Variants in ITGA7 observed in about 807,000 individuals in gnomAD.
ITGA7 encodes the protein integrin alpha-7.
Under a neutral mutation model 131.6 loss-of-function variants are expected in ITGA7, and 84 were observed. The ratio of observed to expected loss-of-function variants is 0.64; its 90% CI spans 0.54 to 0.77. The LOEUF (loss-of-function observed/expected upper bound fraction) is 0.77. ITGA7 is among the 30% of genes least tolerant of loss of function. The pLI is 0.00. For synonymous variants in ITGA7, 548 were observed against 600.7 expected (o/e 0.91, Z 1.28); for missense variants, 1,399 against 1,482.9 (o/e 0.94, Z 0.93).
chr12:55,714,504 C>A (rs1010966380), upstream of ITGA7, among the ~76,000 whole-genome samples: 5 of 128,924 alleles, frequency 3.9e-5, no homozygotes, highest in African/African-American at 1.5e-4. Context: ...GGCGACAGAG[C>A]GAGACTCCGT....
chr12:55,699,726 C>G (rs901721819), intron 5 of ITGA7, 144 bp downstream of exon 5: 25 of 1,105,632 alleles, frequency 2.3e-5, no homozygotes, highest in Non-Finnish European at 3.3e-5. Flanking sequence ...CCCAGCTCTT[C>G]TCTGCAATTT....
At chr12:55,709,188 A>C (rs891130401), upstream of ITGA7, among the ~76,000 whole-genome samples, 3 of 152,104 alleles carry the variant, frequency 2.0e-5, no homozygotes, top group African/African-American at 7.3e-5. Flanking sequence ...TCTTTCTCAG[A>C]GTATTTCTCA....
chr12:55,715,923 A>G, upstream of ITGA7: 1 of 1,206,332 alleles, frequency 8.3e-7, no homozygotes, highest in African/African-American at 1.5e-5. Flanking sequence ...ACTCACCAAA[A>G]ACTAAGCTCC....
intron 13 of ITGA7, among the ~76,000 whole-genome samples, 197 bp downstream of exon 13, chr12:55,696,086 G>A (rs1035197465): frequency 6.6e-6 from 1 of 152,230 alleles, no homozygotes; most frequent in African/African-American, 2.4e-5. Context: ...TGAGCCCCCT[G>A]AATGACTACA....
chr12:55,712,559 T>A (rs17117910), upstream of ITGA7: 1 of 516,120 alleles, frequency 1.9e-6, no homozygotes, highest in African/African-American at 1.9e-5. Flanking sequence ...GAGTGTGGAG[T>A]TGCATTCATT....
chr12:55,701,729 C>T (rs1051301387), intron 3 of ITGA7, among the ~76,000 whole-genome samples: 2 of 152,050 alleles, frequency 1.3e-5, no homozygotes, highest in Non-Finnish European at 2.9e-5. Flanking sequence ...TACAGGCATG[C>T]ACCACCATGA....
upstream of ITGA7, among the ~76,000 whole-genome samples, chr12:55,712,925 A>T (rs1455436427): frequency 6.6e-6 from 1 of 152,180 alleles, no homozygotes; most frequent in Non-Finnish European, 1.5e-5. Context: ...GATTGTGAAA[A>T]TGTCAGGCAG....
chr12:55,712,166 G>A (rs1417507944), upstream of ITGA7: 1 of 1,551,308 alleles, frequency 6.4e-7, no homozygotes, highest in African/African-American at 1.4e-5. Flanking sequence ...TGTGATTGAG[G>A]GAATTCAGTG....
chr12:55,709,537 G>A (rs929779211), upstream of ITGA7, among the ~76,000 whole-genome samples: 2 of 152,160 alleles, frequency 1.3e-5, no homozygotes, highest in African/African-American at 4.8e-5. Flanking sequence ...TGTCAGCAGG[G>A]CTGGCACCAG....
At chr12:55,696,150 A>G in intron 13 of ITGA7, 133 bp downstream of exon 13, 1 of 927,078 alleles carries the variant, frequency 1.1e-6, no homozygotes, top group Non-Finnish European at 1.7e-6. Flanking sequence ...TTAGGCACCT[A>G]GAGATATGAG....
In ITGA7 at chr12:55,694,537, G is replaced by T; in HGVS notation, c.2278-15C>A. 6.2e-7 allele frequency: 1 copy of T among 1,614,008 alleles called. No homozygotes were observed. Among genetic ancestry groups the T allele is most frequent in the Non-Finnish European group, 8.5e-7 (1 of 1,179,854 alleles). ...TAGAAGGTGACCTAGGCCAAGGGTG[G>T]AAAGAGATTAGAGTCAGGGGTGGTC... On this transcript the variant is annotated splice_polypyrimidine_tract_variant and intron_variant, in intron 16 of 24. Coordinates refer to ENST00000257879, the MANE Select transcript of ITGA7 (RefSeq NM_002206.3). This position sits in a 1 kb window ranked among gnomAD's most constrained non-coding sequence, Gnocchi z 5.3.
At chr12:55,693,877 G>A (rs542115017) in intron 19 of ITGA7, 144 bp downstream of exon 19, 4 of 710,126 alleles carry the variant, frequency 5.6e-6, no homozygotes, top group African/African-American at 3.5e-5. Flanking sequence ...CCTTCCCACA[G>A]CCAAGGTCCA....
intron 5 of ITGA7, chr12:55,699,589 C>A: frequency 2.0e-6 from 1 of 501,962 alleles, no homozygotes. Context: ...ACAGGACTGT[C>A]CTTCCCAAAA....
At position 55,684,946 on chromosome 12, in the gene ITGA7, C is replaced by G. The variant is rs1869738767; in HGVS notation, c.*112G>C. The G allele has an allele frequency of 9.9e-6, 9 of 906,152 alleles. No homozygotes were observed. Among genetic ancestry groups the G allele is most frequent in the Non-Finnish European group, 1.1e-5 (7 of 613,566 alleles). 56.1% of individuals were successfully genotyped at this position (906,152 alleles called of 1,614,324 possible). A position where few individuals can be genotyped will look rare whatever the true frequency, so the allele number is the denominator to read the frequency against. ...GGTCTGTGCCCCTGAGGAAGCCGAT[C>G]CTGCCAAATCTTGATGCGACACCAG... is the stretch of plus-strand genomic sequence containing the variant. On this transcript the variant is annotated 3_prime_UTR_variant, in exon 25 of 25. Coordinates refer to ENST00000257879, the MANE Select transcript of ITGA7 (RefSeq NM_002206.3).
chr12:55,690,892 T>G (rs543769737), intron 21 of ITGA7, among the ~76,000 whole-genome samples: 5,644 of 152,066 alleles, frequency 0.037, 150 homozygotes, highest in Middle Eastern at 0.085. Context: ...CACCGCATAT[T>G]CTCACTCATA....
chr12:55,715,648 G>C (rs1385009218), upstream of ITGA7, among the ~76,000 whole-genome samples: 1 of 152,158 alleles, frequency 6.6e-6, no homozygotes, highest in East Asian at 1.9e-4. Flanking sequence ...ACTTCAGTGG[G>C]GTAGTGAGAA....
intron 14 of ITGA7, 33 bp downstream of exon 14, chr12:55,695,489 T>A: frequency 1.2e-4 from 117 of 942,462 alleles, no homozygotes; most frequent in Middle Eastern, 2.5e-4. Context: ...ACTCTTGCCC[T>A]CCCACCCCCA....
chr12:55,698,648 C>T, intron 6 of ITGA7, 62 bp downstream of exon 6: 1 of 1,610,788 alleles, frequency 6.2e-7, no homozygotes, highest in East Asian at 2.2e-5. Flanking sequence ...TAAGTGGCCT[C>T]AGCCAGACTG....
chr12:55,713,769 C>G (rs150782088), upstream of ITGA7, among the ~76,000 whole-genome samples: 111 of 152,350 alleles, frequency 7.3e-4, no homozygotes, highest in African/African-American at 2.5e-3. Context: ...TTAAGCATTT[C>G]ATGTGCTTCT....
Sources: gnomAD v4.1 joint callset for allele counts (sites outside exome capture counted in the v4.1 genomes callset) on GRCh38, gnomAD v4.1.1 for gene constraint, Gnocchi (gnomAD v3.1) non-coding constraint, MANE v1.5 for transcripts, NCBI Gene and HGNC (gene_info 2026-07-23, HGNC 2026-07-21) for gene names.